C16orf46: variants seen among roughly 807,000 people sequenced by gnomAD.
The protein encoded by C16orf46 is uncharacterized protein C16orf46.
In C16orf46, 7 loss-of-function variants were observed where a neutral mutation model predicts 5.5. The observed-to-expected ratio is 1.28, with a 90% CI of 0.73 to 2.40. The LOEUF is 2.40. Ranked by LOEUF, C16orf46 falls within the 30% of genes most tolerant of loss-of-function variation. The pLI, the probability that C16orf46 is intolerant of heterozygous loss-of-function variation, is 0.00. For synonymous variants in C16orf46, 200 were observed against 184.1 expected, an observed-to-expected ratio of 1.09 and a Z score of -0.70; for missense variants, 614 against 476.0, an observed-to-expected ratio of 1.29 and a Z score of -2.70.
Position 81,061,114 on chromosome 16 carries a change from G to T in C16orf46, c.*47C>A, listed in dbSNP as rs1971449236. The T allele has an allele frequency of 6.5e-7, 1 of 1,528,298 alleles. No homozygotes were observed. 94.7% of individuals were successfully genotyped at this position (1,528,298 alleles called of 1,614,324 possible). A position where few individuals can be genotyped will look rare whatever the true frequency, so the allele number is the denominator to read the frequency against. On this transcript the variant is annotated 3_prime_UTR_variant, in exon 4 of 4. Coordinates refer to ENST00000299578, the MANE Select transcript of C16orf46 (RefSeq NM_152337.3). ...TGAGAGAGAAGAAAGAGAAAGGATG[G>T]CTGCATCTCAAACGGTGCTTATTCC... is the stretch of plus-strand genomic sequence containing the variant.
downstream of C16orf46, among the ~76,000 whole-genome samples, chr16:81,059,318 C>A (rs1258147625): frequency 3.6e-5 from 2 of 55,292 alleles, no homozygotes; most frequent in Non-Finnish European, 6.8e-5. Context: ...GAGACTCTGT[C>A]TCAAAAAAAA....
At chr16:81,074,711 C>G (rs951394229) in intron 1 of C16orf46, among the ~76,000 whole-genome samples, 1 of 152,090 alleles carries the variant, frequency 6.6e-6, no homozygotes. Flanking sequence ...TAACACTGAG[C>G]TTGAGGTGAA....
chr16:81,076,920 T>C (rs936269543), intron 1 of C16orf46: 1 of 152,138 alleles, frequency 6.6e-6, no homozygotes, highest in African/African-American at 2.4e-5. Flanking sequence ...CCGTCCTCCG[T>C]CTACCCACCC....
chr16:81,063,727 G>A lies in C16orf46; in HGVS notation c.210+19C>T. The A allele has an allele frequency of 6.3e-7, 1 of 1,590,448 alleles. No homozygotes were observed. Among genetic ancestry groups the A allele is most frequent in the Non-Finnish European group, 8.6e-7 (1 of 1,161,228 alleles). Reference sequence around the variant, plus strand: ...GATGTGCGAGAGACAGAAAAGCTGTGACTCAGAAAGATACTCACTGCCTCT... The same window carrying A: ...GATGTGCGAGAGACAGAAAAGCTGTAACTCAGAAAGATACTCACTGCCTCT... On this transcript the variant is annotated intron_variant, in intron 3 of 3. Transcript: ENST00000299578.
At chr16:81,075,075 C>T (rs1236393776) in intron 1 of C16orf46, among the ~76,000 whole-genome samples, 2 of 152,178 alleles carry the variant, frequency 1.3e-5, no homozygotes, top group Non-Finnish European at 2.9e-5. Flanking sequence ...GTATCCCTTT[C>T]ACTTGGACAT....
downstream of C16orf46, chr16:81,058,064 C>CAAAACAAAACAAAACAAAAT (rs1555526112): frequency 2.1e-3 from 351 of 170,396 alleles, no homozygotes; most frequent in African/African-American, 7.0e-3. Flanking sequence ...CAAAACAAAA[C>CAAAACAAAACAAAACAAAAT]CTGAAACAGA....
In C16orf46 at chr16:81,061,494, C is replaced by G. The variant is rs2287995; in HGVS notation, c.855G>C (p.Ala285=). Residue 285 remains alanine, a synonymous_variant, in exon 4 of 4, where the codon GCG becomes GCC. Coordinates refer to ENST00000299578, the MANE Select transcript of C16orf46 (RefSeq NM_152337.3). ...GATCGGTCAGCAGGGATATCTGGGC[C>G]GCTGGGGAAGGGGAGGATGGCGTGT... ...VNDTPSSPSP[A]AQISLLTDPE... is the part of the protein sequence containing the mutation. 0.091 allele frequency: 147,458 copies of G among 1,614,064 alleles called. 7,481 individuals are homozygous for G. The highest frequency in any genetic ancestry group is 0.2 in the East Asian group (9,072 of 44,866).
At chr16:81,059,874 C>T (rs947290229), downstream of C16orf46, among the ~76,000 whole-genome samples, 5 of 151,392 alleles carry the variant, frequency 3.3e-5, no homozygotes, top group South Asian at 1.0e-3. Context: ...CTGCAAGCTC[C>T]GCCTCCTGGG....
intron 3 of C16orf46, among the ~76,000 whole-genome samples, chr16:81,054,796 G>A (rs546823626): frequency 1.0e-3 from 152 of 151,236 alleles, no homozygotes; most frequent in Non-Finnish European, 1.8e-3. Flanking sequence ...TTACAGGCAC[G>A]CACCACCACG....
intron 3 of C16orf46, among the ~76,000 whole-genome samples, chr16:81,062,600 T>C (rs1353858450): frequency 1.3e-5 from 2 of 152,294 alleles, no homozygotes; most frequent in East Asian, 3.9e-4. Flanking sequence ...CTGCTTCCCT[T>C]ACCTGGGGAA....
At chr16:81,056,537 A>C (rs919794013), downstream of C16orf46, 1 of 151,996 alleles carries the variant, frequency 6.6e-6, no homozygotes, top group Non-Finnish European at 1.5e-5. Flanking sequence ...CTTTACTAAA[A>C]ATACAAAAAT....
intron 1 of C16orf46, 27 bp downstream of exon 1, chr16:81,077,109 G>A (rs1051275747): frequency 6.6e-6 from 1 of 152,450 alleles, no homozygotes; most frequent in Non-Finnish European, 1.5e-5. Flanking sequence ...TTGCCCCAGG[G>A]GTGGAGAAAT....
chr16:81,065,210 C>T (rs577660176), intron 2 of C16orf46, among the ~76,000 whole-genome samples: 4 of 152,272 alleles, frequency 2.6e-5, no homozygotes, highest in South Asian at 4.1e-4. Flanking sequence ...CGATGGCTCA[C>T]GCCTGTAATC....
downstream of C16orf46, among the ~76,000 whole-genome samples, chr16:81,059,841 A>T (rs187071349): frequency 3.6e-3 from 540 of 148,238 alleles, 1 homozygote; most frequent in African/African-American, 0.012. Context: ...CAGGCTGGAG[A>T]GCAGTGGCAC....
chr16:81,057,381 T>C (rs2151746296), downstream of C16orf46, among the ~76,000 whole-genome samples: 1 of 152,010 alleles, frequency 6.6e-6, no homozygotes, highest in Non-Finnish European at 1.5e-5. Flanking sequence ...AAACCCTGTC[T>C]CTACTAAAAA....
chr16:81,072,328 C>A (rs1374594805), intron 1 of C16orf46: 62 of 102,750 alleles, frequency 6.0e-4, no homozygotes, highest in African/African-American at 2.0e-3. Flanking sequence ...ATACCTGATG[C>A]AAAAAAAAAA....
intron 1 of C16orf46, among the ~76,000 whole-genome samples, chr16:81,071,796 G>A (rs1971863217): frequency 6.6e-6 from 1 of 152,178 alleles, no homozygotes; most frequent in South Asian, 2.1e-4. Context: ...ACTCATTAGT[G>A]GTACCATCTT....
At chr16:81,073,954 A>C (rs1411188696) in intron 1 of C16orf46, among the ~76,000 whole-genome samples, 3 of 152,226 alleles carry the variant, frequency 2.0e-5, no homozygotes, top group Non-Finnish European at 4.4e-5. Flanking sequence ...CAAAGCATCA[A>C]CAGAAAACTA....
At chr16:81,062,785 C>T (rs1971531585) in intron 3 of C16orf46, among the ~76,000 whole-genome samples, 1 of 151,360 alleles carries the variant, frequency 6.6e-6, no homozygotes, top group Admixed American at 6.6e-5. Flanking sequence ...TATAGGACCA[C>T]ATTTTGGACA....
Sources: gnomAD v4.1 joint callset for allele counts (sites outside exome capture counted in the v4.1 genomes callset) on GRCh38, gnomAD v4.1.1 for gene constraint, MANE v1.5 for transcripts, NCBI Gene and HGNC (gene_info 2026-07-23, HGNC 2026-07-21) for gene names.